Variants in BRCA1 observed in about 807,000 individuals in gnomAD.
BRCA1 encodes BRCA1 DNA repair associated.
A neutral mutation model predicts 173.7 loss-of-function variants in BRCA1; 140 were observed. The ratio of observed to expected loss-of-function variants is 0.81; its 90% confidence interval spans 0.70 to 0.93. The LOEUF is 0.93. Among genes scored for constraint, BRCA1 ranks in the 40% least tolerant of loss-of-function variants. BRCA1 has a pLI of 0.00. For synonymous variants in BRCA1, 662 were observed against 756.0 expected, an observed-to-expected ratio of 0.88 and a Z score of 2.04; for missense variants, 1,983 against 2,172.5, an observed-to-expected ratio of 0.91 and a Z score of 1.73.
intron 12 of BRCA1, among the ~76,000 whole-genome samples, chr17:43,077,333 T>C (rs1410764474): frequency 7.5e-6 from 1 of 134,024 alleles, no homozygotes; most frequent in Non-Finnish European, 1.7e-5. Context: ...GGCATGTTAG[T>C]TCTTTTTTTT....
At chr17:43,065,395 G>A (rs1254287026) in intron 16 of BRCA1, among the ~76,000 whole-genome samples, 6 of 152,058 alleles carry the variant, frequency 3.9e-5, no homozygotes, top group African/African-American at 1.2e-4. Flanking sequence ...TAGGCTAGGC[G>A]CGATGGCTCA....
At chr17:43,127,986 T>G (rs1453560110), upstream of BRCA1, among the ~76,000 whole-genome samples, 2 of 130,310 alleles carry the variant, frequency 1.5e-5, no homozygotes, top group Non-Finnish European at 3.0e-5. Context: ...ATTGCACCAC[T>G]GCATTCCAGC....
chr17:43,120,498 G>A (rs2055495618), intron 2 of BRCA1, among the ~76,000 whole-genome samples: 1 of 152,234 alleles, frequency 6.6e-6, no homozygotes, highest in Admixed American at 6.5e-5. Flanking sequence ...GGGCGCGGTG[G>A]CTCACGCCTG....
chr17:43,156,765 T>A (rs1455930595), intron 1 of BRCA1, among the ~76,000 whole-genome samples: 1 of 152,084 alleles, frequency 6.6e-6, no homozygotes, highest in East Asian at 1.9e-4. Flanking sequence ...TATATTTCAG[T>A]ATGGTAATTA....
chr17:43,146,044 CTG>C (rs1412973424), intron 1 of BRCA1, among the ~76,000 whole-genome samples: 1 of 152,082 alleles, frequency 6.6e-6, no homozygotes, highest in Non-Finnish European at 1.5e-5. Flanking sequence ...TGTGGGCACT[CTG>C]TAACATCTTT....
chr17:43,093,567 T>A lies in BRCA1; in HGVS notation c.1964A>T (p.Tyr655Phe), dbSNP rs80357193. The A allele has an allele frequency of 6.2e-7, 1 of 1,614,068 alleles. No homozygotes were observed. Among genetic ancestry groups the A allele is most frequent in the Non-Finnish European group, 8.5e-7 (1 of 1,179,998 alleles). The change falls in exon 10 of 23, where the codon TAC (tyrosine) becomes TTC (phenylalanine). Residue 655 changes from tyrosine (Y) to phenylalanine (F), a missense_variant. By Grantham distance (22) the Tyr-to-Phe change is conservative. Coordinates refer to ENST00000357654, the MANE Select transcript of BRCA1 (RefSeq NM_007294.4). ...GCTGTGCCTGACTGGCATTTGGTTG[T>A]ACTTTTTTTTCTTTATCTCTTCACT... ...SSSEEIKKKK[Y>F]NQMPVRHSRN...
chr17:43,074,382 A>G lies in BRCA1; in HGVS notation c.4624T>C (p.Ser1542Pro), dbSNP rs2052595821. 6.2e-7 allele frequency: 1 copy of G among 1,613,970 alleles called. No homozygotes were observed. Among genetic ancestry groups the G allele is most frequent in the African/African-American group, 1.3e-5 (1 of 74,976 alleles). The change falls in exon 14 of 23, where the codon TCT (serine) becomes CCT (proline). Residue 1542 changes from serine to proline, a missense_variant. Ser to Pro is a moderately conservative substitution (Grantham distance 74, BLOSUM62 -1). Coordinates refer to ENST00000357654, the MANE Select transcript of BRCA1 (RefSeq NM_007294.4). ...VDVEEQQLEE[S>P]GPHDLTETSY... ...GTTTCCGTCAAATCGTGTGGCCCAG[A>G]CTCTTCCAGCTGTTGCTCCTCCACA... is the stretch of plus-strand genomic sequence containing the variant.
At chr17:43,145,419 C>T (rs550422018) in intron 1 of BRCA1, among the ~76,000 whole-genome samples, 210 of 151,774 alleles carry the variant, frequency 1.4e-3, no homozygotes, top group Non-Finnish European at 2.3e-3. Context: ...CTCCGCCTCC[C>T]GGGTTCACGC....
chr17:43,066,236 T>A (rs1212237965), intron 16 of BRCA1, among the ~76,000 whole-genome samples: 1 of 152,188 alleles, frequency 6.6e-6, no homozygotes, highest in African/African-American at 2.4e-5. Context: ...AAGTTATAAT[T>A]AAAACCTTAA....
intron 20 of BRCA1, 86 bp downstream of exon 20, chr17:43,050,977 C>G: frequency 7.6e-7 from 1 of 1,320,698 alleles, no homozygotes; most frequent in Non-Finnish European, 1.1e-6. Context: ...ATCTGAGGAA[C>G]CCCCATCGTG....
intron 11 of BRCA1, among the ~76,000 whole-genome samples, chr17:43,087,272 C>T (rs1337823742): frequency 6.6e-6 from 1 of 152,170 alleles, no homozygotes; most frequent in African/African-American, 2.4e-5. Flanking sequence ...GCCTCTTACC[C>T]TGAAACCTCC....
intron 19 of BRCA1, among the ~76,000 whole-genome samples, chr17:43,054,582 A>T (rs943065213): frequency 6.6e-6 from 1 of 151,950 alleles, no homozygotes; most frequent in African/African-American, 2.4e-5. Context: ...TGGGAATACA[A>T]GAGTGTGCTA....
intron 1 of BRCA1, among the ~76,000 whole-genome samples, chr17:43,156,877 GA>G (rs1309222434): frequency 6.6e-6 from 1 of 152,152 alleles, no homozygotes; most frequent in Non-Finnish European, 1.5e-5. Context: ...TGTGAAAAGG[GA>G]AAAGGAAAAA....
Position 43,090,889 on chromosome 17 carries a change from C to A in BRCA1, c.4185+55G>T. The stretch of plus-strand genomic sequence containing the variant: ...ACCTAAGAATGTGGGATACATACTA[C>A]TGAATGCAAAGGACACCACACACAC... On this transcript the variant is annotated intron_variant, in intron 11 of 22. Transcript: ENST00000357654. 2.0e-6 allele frequency: 3 copies of A among 1,469,846 alleles called. No individual in the cohort carries two copies. In the South Asian group the frequency reaches 3.6e-5, roughly 17 times the overall value. 91.1% of individuals were successfully genotyped at this position (1,469,846 alleles called of 1,614,324 possible).
intron 1 of BRCA1, among the ~76,000 whole-genome samples, chr17:43,157,828 C>G (rs1292751904): frequency 2.0e-5 from 3 of 152,092 alleles, no homozygotes; most frequent in African/African-American, 7.2e-5. Context: ...GACACCCCGT[C>G]TCTACTAAGA....
chr17:43,138,991 T>C, intron 1 of BRCA1: 1 of 777,628 alleles, frequency 1.3e-6, no homozygotes, highest in Non-Finnish European at 2.4e-6. Context: ...GCCCCTCCAA[T>C]GAAAAGCACT....
intron 4 of BRCA1, among the ~76,000 whole-genome samples, chr17:43,105,335 A>G (rs2054715686): frequency 1.3e-5 from 2 of 151,984 alleles, no homozygotes; most frequent in South Asian, 4.1e-4. Context: ...AGACTTCTGT[A>G]CTCAAGCTAT....
chr17:43,121,006 G>A lies in BRCA1; in HGVS notation c.80+3011C>T, dbSNP rs112674337. On this transcript the variant is annotated intron_variant, in intron 2 of 22. Transcript: ENST00000357654. ...TTGAACTTGAACCTGGCAGGCGGAG[G>A]TTGCAGTGAGCCAAGATGGCGCCAC... Among the ~76,000 whole-genome samples the A allele has an allele frequency of 0.014, 2,111 of 147,442 alleles. 53 individuals carry two copies. The highest frequency in any genetic ancestry group is 0.05 in the African/African-American group (1,976 of 39,902).
intron 3 of BRCA1, among the ~76,000 whole-genome samples, chr17:43,107,065 T>C (rs1226504292): frequency 6.7e-6 from 1 of 148,268 alleles, no homozygotes; most frequent in Non-Finnish European, 1.5e-5. Flanking sequence ...CAAGACAATT[T>C]TTTTTTTTTT....
Sources: gnomAD v4.1 joint callset for allele counts (sites outside exome capture counted in the v4.1 genomes callset) on GRCh38, gnomAD v4.1.1 for gene constraint, MANE v1.5 for transcripts, NCBI Gene and HGNC (gene_info 2026-07-23, HGNC 2026-07-21) for gene names.